Variants in MTF2 observed in about 807,000 individuals in gnomAD.
MTF2 encodes metal response element binding transcription factor 2.
In MTF2, 11 loss-of-function variants were observed where a neutral mutation model predicts 79.5. That is an observed-to-expected ratio of 0.14 (90% CI 0.09 to 0.23). MTF2 has a LOEUF of 0.23. Ranked by LOEUF, MTF2 falls within the 10% of genes least tolerant of loss-of-function variation. The pLI is 1.00. For missense variants in MTF2, 486 were observed against 711.2 expected (o/e 0.68, Z 3.60); for synonymous variants, 208 against 232.8 (o/e 0.89, Z 0.97).
At chr1:93,088,723 G>A (rs1273900454) in intron 1 of MTF2, among the ~76,000 whole-genome samples, 2 of 152,180 alleles carry the variant, frequency 1.3e-5, no homozygotes, top group East Asian at 3.9e-4. Flanking sequence ...GTGCCAACGT[G>A]CCTGGCTAAT....
chr1:93,134,120 A>G lies in MTF2; in HGVS notation c.1349A>G (p.Asn450Ser), dbSNP rs143286394. 2.1e-4 allele frequency: 338 copies of G among 1,613,138 alleles called. No homozygotes were observed. Among genetic ancestry groups the G allele is most frequent in the African/African-American group, 2.1e-4 (16 of 74,906 alleles). ...ACTGAGGGAACTGCACATTCATCCA[A>G]TACCTCAGATGTGGATTTCACGGGT... is the stretch of plus-strand genomic sequence containing the variant. ...GRTEGTAHSS[N>S]TSDVDFTGAS... Residue 450 changes from asparagine to serine, a missense_variant, in exon 14 of 15, where the codon AAT becomes AGT. Asn to Ser is a conservative substitution (Grantham distance 46, BLOSUM62 1). Around this residue, in one of 4 missense-constraint regions of MTF2, gnomAD observed 209 missense variants for 206.5 expected, o/e 1.01. Transcript: ENST00000370298.
At chr1:93,128,065 G>T (rs944957398) in intron 10 of MTF2, among the ~76,000 whole-genome samples, 2 of 152,066 alleles carry the variant, frequency 1.3e-5, no homozygotes, top group Non-Finnish European at 2.9e-5. Flanking sequence ...AAAAAGCCAT[G>T]AGGTACCTGA....
Position 93,136,974 on chromosome 1 carries a change from C to G in MTF2, c.1729C>G (p.Leu577Val). Residue 577 changes from leucine to valine, a missense_variant, in exon 15 of 15, where the codon CTT becomes GTT. Leu to Val is a conservative substitution (Grantham distance 32). Coordinates refer to ENST00000370298, the MANE Select transcript of MTF2 (RefSeq NM_007358.4). ...CCGAGTTTTGGCACGTCGGGTGACACTTGATGGAAAGGTGCAGTATCTTGT... is the reference window on the plus strand; with the variant it reads ...CCGAGTTTTGGCACGTCGGGTGACAGTTGATGGAAAGGTGCAGTATCTTGT... ...KYRVLARRVT[L>V]DGKVQYLVEW... The G allele has an allele frequency of 6.2e-7, 1 of 1,613,992 alleles. No homozygotes were observed. The highest frequency in any genetic ancestry group is 8.5e-7 in the Non-Finnish European group (1 of 1,180,000).
intron 14 of MTF2, among the ~76,000 whole-genome samples, chr1:93,136,085 T>C (rs1444774738): frequency 1.3e-5 from 2 of 152,174 alleles, no homozygotes; most frequent in East Asian, 1.9e-4. Context: ...ACCCCTTCAC[T>C]CATTAAGTTC....
Position 93,137,007 on chromosome 1 carries a change from G to A in MTF2, c.1762G>A (p.Glu588Lys). ...DGKVQYLVEW[E>K]GATAS is the part of the protein sequence containing the mutation. ...AAAGGTGCAGTATCTTGTGGAATGG[G>A]AAGGAGCAACTGCATCCTGACTGTA... The change falls in exon 15 of 15, where the codon GAA becomes AAA. Residue 588 changes from glutamate to lysine, a missense_variant. Physicochemically the swap from Glu to Lys is moderately conservative, Grantham distance 56 (BLOSUM62 1). Transcript: ENST00000370298. 2 of 1,613,858 alleles carry A rather than the reference G, an allele frequency of 1.2e-6. No homozygotes were observed. The highest frequency in any genetic ancestry group is 1.7e-6 in the Non-Finnish European group (2 of 1,179,924).
chr1:93,127,931 G>A (rs917088078), intron 10 of MTF2, among the ~76,000 whole-genome samples: 1 of 151,854 alleles, frequency 6.6e-6, no homozygotes, highest in African/African-American at 2.4e-5. Context: ...ATAAATGTAT[G>A]TGTTGACTCC....
intron 1 of MTF2, among the ~76,000 whole-genome samples, chr1:93,094,757 G>T (rs1655212517): frequency 6.6e-6 from 1 of 152,110 alleles, no homozygotes; most frequent in African/African-American, 2.4e-5. Flanking sequence ...TTCTCTTGCT[G>T]TGCTCTTAGC....
intron 7 of MTF2, among the ~76,000 whole-genome samples, chr1:93,118,854 T>C (rs1656356036): frequency 6.6e-6 from 1 of 152,238 alleles, no homozygotes; most frequent in Admixed American, 6.5e-5. Context: ...CACAGTGAGC[T>C]CCAGGAACAA....
chr1:93,083,720 A>G (rs1654711554), intron 1 of MTF2, among the ~76,000 whole-genome samples: 3 of 152,222 alleles, frequency 2.0e-5, no homozygotes, highest in Admixed American at 6.5e-5. Flanking sequence ...CAGTTTATCC[A>G]CATCCTCACT....
chr1:93,107,188 G>A (rs972396471), intron 1 of MTF2, among the ~76,000 whole-genome samples: 5 of 152,002 alleles, frequency 3.3e-5, no homozygotes, highest in Admixed American at 1.3e-4. Flanking sequence ...ACACACACAC[G>A]TACCCCCAAA....
intron 1 of MTF2, among the ~76,000 whole-genome samples, chr1:93,082,401 C>CA (rs1654644652): frequency 6.6e-6 from 1 of 151,954 alleles, no homozygotes. Context: ...CTGCCTTAGC[C>CA]TGCCGAGTAG....
chr1:93,084,177 G>A (rs1355541688), intron 1 of MTF2, among the ~76,000 whole-genome samples: 2 of 151,860 alleles, frequency 1.3e-5, no homozygotes, highest in East Asian at 1.9e-4. Flanking sequence ...ATGGTGTGAG[G>A]TAGGGGTCCA....
At chr1:93,096,024 T>G (rs1655275260) in intron 1 of MTF2, among the ~76,000 whole-genome samples, 1 of 152,216 alleles carries the variant, frequency 6.6e-6, no homozygotes, top group South Asian at 2.1e-4. Context: ...TCTTTAGTCT[T>G]TTGAGGTTCT....
chr1:93,119,427 G>C (rs1307002439), intron 8 of MTF2, 26 bp downstream of exon 8: 1 of 1,526,280 alleles, frequency 6.6e-7, no homozygotes, highest in Non-Finnish European at 8.8e-7. Context: ...TCTGTTAAAA[G>C]AAAGAAAAGC....
rs554936269 is a variant in MTF2, at chr1:93,122,241, T to G, written c.921+1569T>G. Among the ~76,000 whole-genome samples the G allele has an allele frequency of 9.2e-5, 14 of 152,344 alleles. 1 individual carries two copies. In the South Asian group the frequency reaches 2.9e-3, roughly 32 times the overall value. ...GTTTAAAAATTCTTTCTAGCCATTA[T>G]TCTTTTAGCACTTCATATGCAGATA... On this transcript the variant is annotated intron_variant, in intron 9 of 14. Transcript: ENST00000370298.
At chr1:93,127,348 T>C in intron 10 of MTF2, 49 bp downstream of exon 10, 1 of 1,185,104 alleles carries the variant, frequency 8.4e-7, no homozygotes, top group South Asian at 1.2e-5. Flanking sequence ...ATTTAGTAAG[T>C]ATAAGGAATA....
chr1:93,123,374 T>C (rs1358133183), intron 9 of MTF2, among the ~76,000 whole-genome samples: 3 of 151,676 alleles, frequency 2.0e-5, no homozygotes, highest in African/African-American at 7.3e-5. Context: ...GCCTCAGCAA[T>C]TCTTGTTATA....
At chr1:93,131,320 T>A (rs1656909347) in intron 11 of MTF2, among the ~76,000 whole-genome samples, 1 of 152,216 alleles carries the variant, frequency 6.6e-6, no homozygotes, top group Non-Finnish European at 1.5e-5. Context: ...GAGAGGTAGA[T>A]TAAAATGAAA....
chr1:93,124,839 T>A (rs1341939639), intron 9 of MTF2, among the ~76,000 whole-genome samples: 3 of 151,798 alleles, frequency 2.0e-5, no homozygotes, highest in East Asian at 3.9e-4. Context: ...AAAAAAAAAA[T>A]ATTCTTTTGG....
Sources: allele counts gnomAD v4.1 joint callset (sites outside exome capture counted in the v4.1 genomes callset), GRCh38; gene constraint gnomAD v4.1.1; regional missense constraint gnomAD v4.1.1; transcripts MANE v1.5; gene names NCBI Gene and HGNC (gene_info 2026-07-23, HGNC 2026-07-21).